VAX2: variants seen among roughly 807,000 people sequenced by gnomAD.
VAX2 encodes ventral anterior homeobox 2.
A neutral mutation model predicts 12.5 loss-of-function variants in VAX2; 8 were observed. The ratio of observed to expected loss-of-function variants is 0.64; its 90% CI spans 0.37 to 1.15. The LOEUF is 1.15. Among genes scored for constraint, VAX2 ranks in the 50% most tolerant of loss-of-function variants. VAX2 has a pLI of 0.01. For missense variants in VAX2, 476 were observed against 412.9 expected (o/e 1.15, Z -1.32); for synonymous variants, 183 against 187.6 (o/e 0.98, Z 0.20).
intron 1 of VAX2, among the ~76,000 whole-genome samples, chr2:70,902,542 G>A (rs1335777790): frequency 6.6e-6 from 1 of 152,218 alleles, no homozygotes. Context: ...AGGATCTAAA[G>A]TCACTGCCTG....
At position 70,904,373 on chromosome 2, in the gene VAX2, CG is replaced by C. The variant is rs1679003554; in HGVS notation, c.247+3506del. 6.6e-6 allele frequency among the ~76,000 whole-genome samples: 1 copy of C among 152,198 alleles called. No individual in the cohort carries two copies. The highest frequency in any genetic ancestry group is 2.1e-4 in the South Asian group (1 of 4,832). Reference sequence around the variant, plus strand: ...GGCAGAAGAGGTGGACAACTCTGACCGCAGACTCCCTACAACCCCGCGATCG... The same window carrying C: ...GGCAGAAGAGGTGGACAACTCTGACCCAGACTCCCTACAACCCCGCGATCG... On this transcript the variant is annotated intron_variant, in intron 1 of 2. Transcript: ENST00000234392. The surrounding 1 kb of genome is among the most constrained non-coding windows in gnomAD (Gnocchi z 4.2).
chr2:70,931,817 G>A (rs573516576), intron 2 of VAX2, among the ~76,000 whole-genome samples: 1 of 152,384 alleles, frequency 6.6e-6, no homozygotes, highest in Non-Finnish European at 1.5e-5. Flanking sequence ...TGAACAGGCT[G>A]GGGCAGCCAC....
At chr2:70,929,118 A>G (rs1033937082) in intron 2 of VAX2, among the ~76,000 whole-genome samples, 10 of 152,220 alleles carry the variant, frequency 6.6e-5, no homozygotes, top group African/African-American at 2.4e-4. Flanking sequence ...CAGAGGTGAC[A>G]AATGGGAAAG....
At chr2:70,901,555 C>G (rs1348017312) in intron 1 of VAX2, among the ~76,000 whole-genome samples, 1 of 152,242 alleles carries the variant, frequency 6.6e-6, no homozygotes, top group African/African-American at 2.4e-5. Flanking sequence ...CTCCTCTCGT[C>G]TTTCCCGGCC....
intron 1 of VAX2, among the ~76,000 whole-genome samples, chr2:70,918,424 C>T (rs1168334661): frequency 1.3e-5 from 2 of 152,170 alleles, no homozygotes; most frequent in Non-Finnish European, 2.9e-5. Flanking sequence ...AGCAGGGATT[C>T]TCAAGGTAGG....
chr2:70,925,164 C>G (rs1679540666), intron 2 of VAX2, among the ~76,000 whole-genome samples: 1 of 152,088 alleles, frequency 6.6e-6, no homozygotes, highest in Non-Finnish European at 1.5e-5. Context: ...TGCTTAGAGA[C>G]TATGGTAATA....
intron 2 of VAX2, among the ~76,000 whole-genome samples, chr2:70,921,849 GA>G (rs1392691500): frequency 2.0e-5 from 3 of 151,874 alleles, no homozygotes; most frequent in Non-Finnish European, 2.9e-5. Context: ...TAACTCAAAA[GA>G]AAAAAACTTT....
At chr2:70,931,327 G>A (rs1410808896) in intron 2 of VAX2, among the ~76,000 whole-genome samples, 3 of 152,188 alleles carry the variant, frequency 2.0e-5, no homozygotes, top group African/African-American at 7.2e-5. Flanking sequence ...TTGAATGTGT[G>A]GCCAACAGAA....
chr2:70,923,037 A>G (rs1475499382), intron 2 of VAX2, among the ~76,000 whole-genome samples: 3 of 141,686 alleles, frequency 2.1e-5, no homozygotes, highest in Non-Finnish European at 4.7e-5. Flanking sequence ...GTGTGTGTGC[A>G]CGTGTGTGCA....
chr2:70,921,187 C>A lies in VAX2; in HGVS notation c.337C>A (p.Gln113Lys). 1 of 1,613,726 alleles carries A rather than the reference C, an allele frequency of 6.2e-7. No individual in the cohort carries two copies. Reference sequence around the variant, plus strand: ...GACACGTACATCCTTCACTGCCGAGCAGCTGTACCGCCTGGAGATGGAGTT... The same window carrying A: ...GACACGTACATCCTTCACTGCCGAGAAGCTGTACCGCCTGGAGATGGAGTT... ...KRTRTSFTAE[Q>K]LYRLEMEFQR... Residue 113 changes from glutamine (Q) to lysine (K), a missense_variant, in exon 2 of 3, where the codon CAG (glutamine) becomes AAG (lysine). By Grantham distance (53) the Gln-to-Lys change is moderately conservative (BLOSUM62 1). Transcript: ENST00000234392.
At chr2:70,917,493 G>T (rs1268367915) in intron 1 of VAX2, among the ~76,000 whole-genome samples, 2 of 152,130 alleles carry the variant, frequency 1.3e-5, no homozygotes, top group African/African-American at 4.8e-5. Flanking sequence ...ATGTAAGAGA[G>T]ATCCAGCTTC....
rs563419343 is a variant in VAX2, at chr2:70,905,430, C to A, written c.247+4562C>A. Among the ~76,000 whole-genome samples the A allele has an allele frequency of 3.9e-5, 6 of 152,136 alleles. No individual in the cohort carries two copies. In the South Asian group the frequency reaches 1.2e-3, roughly 32 times the overall value. ...TCCCATAGCGTGCCTATTCCTATGC[C>A]GGGCCCTCTCATTTGGGTCTTCTTT... On this transcript the variant is annotated intron_variant, in intron 1 of 2. Coordinates refer to ENST00000234392, the MANE Select transcript of VAX2 (RefSeq NM_012476.3).
intron 1 of VAX2, among the ~76,000 whole-genome samples, chr2:70,902,203 T>C (rs781861312): frequency 6.6e-6 from 1 of 152,196 alleles, no homozygotes; most frequent in Non-Finnish European, 1.5e-5. Context: ...GGGTAGAGCA[T>C]GCATGCAGCC....
At chr2:70,914,823 GAC>G (rs1553411720) in intron 1 of VAX2, among the ~76,000 whole-genome samples, 8 of 136,466 alleles carry the variant, frequency 5.9e-5, no homozygotes, top group Non-Finnish European at 1.2e-4. Context: ...TTTTTTTTGA[GAC>G]AGAGTCTCAC....
chr2:70,910,795 C>CAA (rs1242615641), intron 1 of VAX2, among the ~76,000 whole-genome samples: 3 of 113,892 alleles, frequency 2.6e-5, no homozygotes, highest in Non-Finnish European at 5.5e-5. Flanking sequence ...AAAAAAAAAA[C>CAA]AAAACAAAAC....
chr2:70,900,803 G>C lies in VAX2; in HGVS notation c.182G>C (p.Gly61Ala). The change falls in exon 1 of 3, where the codon GGA (glycine) becomes GCA (alanine). Residue 61 changes from glycine to alanine, a missense_variant. Coordinates refer to ENST00000234392, the MANE Select transcript of VAX2 (RefSeq NM_012476.3). ...AGTCCCGCAGGCTCCAGGGAGAGTG[G>C]AGCCGACAGCGACGGGCAGCCCGGG... ...ASSPAGSRES[G>A]ADSDGQPGPG... The C allele has an allele frequency of 2.0e-6, 3 of 1,493,780 alleles. No homozygotes were observed. The highest frequency in any genetic ancestry group is 2.2e-5 in the Admixed American group (1 of 46,060). The allele number at this position is 1,493,780 out of a possible 1,614,324, so 92.5% of individuals were successfully genotyped here.
rs2234499 is a variant in VAX2, at chr2:70,933,014, G to A, written c.683G>A (p.Arg228His). The change falls in exon 3 of 3, where the codon CGC becomes CAC. Residue 228 changes from arginine to histidine, a missense_variant. By Grantham distance (29) the Arg-to-His change is conservative. Transcript: ENST00000234392. ...SLGDPRNSSP[R>H]LNPLSSASAS... Reference sequence around the variant, plus strand: ...GGTGACCCCAGGAACTCCTCCCCACGCCTCAACCCGCTGTCCTCGGCCTCA... The same window carrying A: ...GGTGACCCCAGGAACTCCTCCCCACACCTCAACCCGCTGTCCTCGGCCTCA... 1.4e-3 allele frequency: 2,300 copies of A among 1,596,678 alleles called. 17 individuals carry two copies. The highest frequency in any genetic ancestry group is 6.3e-4 in the Non-Finnish European group (734 of 1,170,798).
intron 2 of VAX2, among the ~76,000 whole-genome samples, chr2:70,925,215 G>T (rs996861833): frequency 7.2e-5 from 11 of 152,208 alleles, no homozygotes; most frequent in Admixed American, 5.9e-4. Context: ...GCATTTTACA[G>T]AGGTTCTCTG....
chr2:70,903,611 A>T (rs1352145669), intron 1 of VAX2, among the ~76,000 whole-genome samples: 1 of 152,228 alleles, frequency 6.6e-6, no homozygotes, highest in Non-Finnish European at 1.5e-5. Context: ...CCTTATCTTA[A>T]AGGACTTGCC....
Sources: allele counts gnomAD v4.1 joint callset (sites outside exome capture counted in the v4.1 genomes callset), GRCh38; gene constraint gnomAD v4.1.1; non-coding constraint Gnocchi (gnomAD v3.1); transcripts MANE v1.5; gene names NCBI Gene and HGNC (gene_info 2026-07-23, HGNC 2026-07-21).